The following SPEG variants were observed in gnomAD, a reference collection of about 807,000 sequenced individuals.
The protein encoded by SPEG is striated muscle enriched protein kinase.
A neutral mutation model predicts 300.4 loss-of-function variants in SPEG; 114 were observed. That is an observed-to-expected ratio of 0.38 (90% CI 0.33 to 0.44). The LOEUF (loss-of-function observed/expected upper bound fraction) is 0.44. Among genes scored for constraint, SPEG ranks in the 20% least tolerant of loss-of-function variants. The probability of loss-of-function intolerance (pLI) is 1.00; values close to 1 mark genes in which losing one functional copy is unlikely to be tolerated. For synonymous variants in SPEG, 1,964 were observed against 2,018.9 expected, an observed-to-expected ratio of 0.97 and a Z score of 0.73; for missense variants, 4,201 against 4,586.2, an observed-to-expected ratio of 0.92 and a Z score of 2.43.
chr2:219,478,775 C>A (rs765904929), intron 22 of SPEG, among the ~76,000 whole-genome samples: 8 of 152,174 alleles, frequency 5.3e-5, no homozygotes, highest in Non-Finnish European at 1.2e-4. Flanking sequence ...CAAATAGAGT[C>A]AAGAAGTTCC....
chr2:219,438,344 C>T (rs1260752878), intron 1 of SPEG, among the ~76,000 whole-genome samples: 1 of 152,128 alleles, frequency 6.6e-6, no homozygotes, highest in Non-Finnish European at 1.5e-5. Flanking sequence ...TACCTAAGTT[C>T]CCATGGCTAG....
At position 219,449,110 on chromosome 2, in the gene SPEG, C is replaced by T. The variant is rs1278710379; in HGVS notation, c.1952C>T (p.Ala651Val). 2.7e-6 allele frequency: 4 copies of T among 1,478,338 alleles called. No homozygotes were observed. In the Admixed American group the frequency reaches 7.5e-5, roughly 28 times the overall value. The allele number at this position is 1,478,338 out of a possible 1,614,324, so 91.6% of individuals were successfully genotyped here. Reference protein sequence around the residue: ...LPWATPGLEGAAVPQTLEKNR... With the variant: ...LPWATPGLEGVAVPQTLEKNR... ...TGGGCCACGCCGGGCCTGGAGGGCG[C>T]TGCTGTACCCCAGACCTTGGAGAAG... The change falls in exon 4 of 41, where the codon GCT becomes GTT. Residue 651 changes from alanine (A) to valine (V), a missense_variant. Ala to Val is a moderately conservative substitution (Grantham distance 64). This residue lies in a region of SPEG where 1,258 missense variants were observed against 1,293.9 expected (regional missense o/e 0.97). Coordinates refer to ENST00000312358, the MANE Select transcript of SPEG (RefSeq NM_005876.5).
In SPEG at chr2:219,435,063, T is replaced by G; in HGVS notation, c.86T>G (p.Val29Gly). The part of the protein sequence containing the change: ...SPGVPPKRAK[V>G]GAGGGAPVAV... ...GGAGTGCCCCCGAAAAGGGCCAAGG[T>G]GGGGGCCGGCGGCGGGGCTCCTGTG... Residue 29 changes from valine (V) to glycine (G), a missense_variant, in exon 1 of 41, where the codon GTG becomes GGG. Around this residue, in one of 4 missense-constraint regions of SPEG, gnomAD observed 1,258 missense variants for 1,293.9 expected, o/e 0.97. Coordinates refer to ENST00000312358, the MANE Select transcript of SPEG (RefSeq NM_005876.5). 1 of 1,475,082 alleles carries G rather than the reference T, an allele frequency of 6.8e-7. No homozygotes were observed. The highest frequency in any genetic ancestry group is 8.9e-7 in the Non-Finnish European group (1 of 1,122,618). 91.4% of individuals were successfully genotyped at this position (1,475,082 alleles called of 1,614,324 possible). A position where few individuals can be genotyped will look rare whatever the true frequency, so the allele number is the denominator to read the frequency against.
intron 13 of SPEG, among the ~76,000 whole-genome samples, chr2:219,470,923 A>C (rs1691817399): frequency 6.6e-6 from 1 of 152,202 alleles, no homozygotes; most frequent in East Asian, 1.9e-4. Context: ...AACTCTTGTA[A>C]TATATCATAG....
chr2:219,466,505 G>A, intron 9 of SPEG: 1 of 1,108,446 alleles, frequency 9.0e-7, no homozygotes, highest in Middle Eastern at 4.0e-4. Flanking sequence ...ATTACGGCAT[G>A]GCATGGAGGG....
chr2:219,442,218 AGGGCGGCGGGCCGGGCGCGATCTAG>A (rs1688975123), intron 1 of SPEG: 1 of 522,372 alleles, frequency 1.9e-6, no homozygotes, highest in Admixed American at 5.1e-5. Flanking sequence ...AGCCCCGCCG[AGGGCGGCGGGCCGGGCGCGATCTAG>A]GGGCGCCCGG....
In SPEG at chr2:219,484,354, CG is replaced by C; in HGVS notation, c.6896del (p.Gly2299ValfsTer5). 6.2e-7 allele frequency: 1 copy of C among 1,606,388 alleles called. No homozygotes were observed. ...CCCCCGAGAAGCGCGTGCCCTCAGC[CG>C]GGGGTCCCCCGGTGCTAGCCGAGAA... ...GAPEKRVPSAGGPPVLAEKAR... is the reference protein window; with the variant it reads ...GAPEKRVPSAXGPPVLAEKAR... On this transcript the variant is annotated frameshift_variant, in exon 30 of 41. Coordinates refer to ENST00000312358, the MANE Select transcript of SPEG (RefSeq NM_005876.5). LOFTEE classifies it high-confidence loss of function.
In SPEG at chr2:219,448,763, C is replaced by T; in HGVS notation, c.1605C>T (p.Leu535=). The T allele has an allele frequency of 1.4e-6, 2 of 1,453,364 alleles. No homozygotes were observed. The highest frequency in any genetic ancestry group is 1.8e-6 in the Non-Finnish European group (2 of 1,109,550). The allele number at this position is 1,453,364 out of a possible 1,614,324, so 90.0% of individuals were successfully genotyped here. A position where few individuals can be genotyped will look rare whatever the true frequency, so the allele number is the denominator to read the frequency against. ...CTCGAGAGCCCGGCGAGCCCCCGCT[C>T]TTCTCTCGGCCCTCCACCCCCAAGA... ...PSPREPGEPP[L]FSRPSTPKTS... is the part of the protein sequence containing the mutation. The change falls in exon 4 of 41, where the codon CTC becomes CTT. Residue 535 remains leucine, a synonymous_variant. Coordinates refer to ENST00000312358, the MANE Select transcript of SPEG (RefSeq NM_005876.5).
chr2:219,463,892 G>T (rs1483850415), intron 8 of SPEG, among the ~76,000 whole-genome samples: 1 of 152,110 alleles, frequency 6.6e-6, no homozygotes, highest in Non-Finnish European at 1.5e-5. Flanking sequence ...GAAGCCAAGA[G>T]AGGAGGATCA....
At position 219,485,354 on chromosome 2, in the gene SPEG, G is replaced by A. The variant is rs776247789; in HGVS notation, c.7618G>A (p.Glu2540Lys). The change falls in exon 31 of 41, where the codon GAA (glutamate) becomes AAA (lysine). Residue 2540 changes from glutamate (E) to lysine (K), a missense_variant. Physicochemically the swap from Glu to Lys is moderately conservative, Grantham distance 56. Coordinates refer to ENST00000312358, the MANE Select transcript of SPEG (RefSeq NM_005876.5). The stretch of plus-strand genomic sequence containing the variant: ...GGCCTGAGTCTTCACAGCCCCAGGG[G>A]AAAGCCGAAGCCGGCTCCGCTGGGG... Reference protein sequence around the residue: ...SATSGSSAPGESRSRLRWGFS... With the variant: ...SATSGSSAPGKSRSRLRWGFS... 6.2e-6 allele frequency: 10 copies of A among 1,606,054 alleles called. No homozygotes were observed. The highest frequency in any genetic ancestry group is 1.7e-5 in the Admixed American group (1 of 58,338).
At position 219,451,025 on chromosome 2, in the gene SPEG, C is replaced by A. The variant is rs553688066; in HGVS notation, c.2114-111C>A. On this transcript the variant is annotated intron_variant, in intron 4 of 40. Transcript: ENST00000312358. This position sits in a 1 kb window ranked among gnomAD's most constrained non-coding sequence, Gnocchi z 6.4. ...TCCCCAAGTCCCTGCTTTCTAGAAGCCCCTCTGTCTGGGTTTGGCTTTCTA... is the reference window on the plus strand; with the variant it reads ...TCCCCAAGTCCCTGCTTTCTAGAAGACCCTCTGTCTGGGTTTGGCTTTCTA... 4.5e-6 allele frequency: 5 copies of A among 1,104,538 alleles called. No individual in the cohort carries two copies. In the East Asian group the frequency reaches 1.4e-4, roughly 30 times the overall value. The allele number at this position is 1,104,538 out of a possible 1,614,324, so 68.4% of individuals were successfully genotyped here.
At chr2:219,478,175 G>A (rs930650840) in intron 22 of SPEG, 70 bp downstream of exon 22, 1 of 1,350,968 alleles carries the variant, frequency 7.4e-7, no homozygotes, top group African/African-American at 1.4e-5. Flanking sequence ...CATCCAATAG[G>A]CAACATGTTT....
chr2:219,465,941 G>C, intron 9 of SPEG: 3 of 838,764 alleles, frequency 3.6e-6, no homozygotes, highest in Non-Finnish European at 5.7e-6. Context: ...GTGCGTGCAC[G>C]TGTGCGTGCA....
intron 10 of SPEG, 23 bp downstream of exon 10, chr2:219,467,457 G>A (rs779532325): frequency 1.3e-6 from 2 of 1,581,128 alleles, no homozygotes; most frequent in Non-Finnish European, 1.7e-6. Flanking sequence ...TCAGGCATTG[G>A]GCTGCCGTGG....
At chr2:219,453,000 C>T (rs1689885617) in intron 6 of SPEG, among the ~76,000 whole-genome samples, 1 of 152,208 alleles carries the variant, frequency 6.6e-6, no homozygotes, top group Admixed American at 6.5e-5. Context: ...ATTTTCCAGG[C>T]TTTCTCCTCC....
Position 219,484,823 on chromosome 2 carries a change from C to T in SPEG, c.7360C>T (p.Arg2454Cys), listed in dbSNP as rs1008071927. ...GCGGGGCTCCCCGGTGCTGGCGATG[C>T]GCAGGCGGCTGAGCTTCACCCTGGA... Reference protein sequence around the residue: ...SARGSPVLAMRRRLSFTLERL... With the variant: ...SARGSPVLAMCRRLSFTLERL... The change falls in exon 30 of 41, where the codon CGC (arginine) becomes TGC (cysteine). Residue 2454 changes from arginine (R) to cysteine (C), a missense_variant. Physicochemically the swap from Arg to Cys is radical, Grantham distance 180. Transcript: ENST00000312358. The T allele has an allele frequency of 4.0e-6, 6 of 1,500,502 alleles. No homozygotes were observed. Among genetic ancestry groups the T allele is most frequent in the Admixed American group, 2.1e-5 (1 of 46,858 alleles). The allele number at this position is 1,500,502 out of a possible 1,614,324, so 92.9% of individuals were successfully genotyped here. A position where few individuals can be genotyped will look rare whatever the true frequency, so the allele number is the denominator to read the frequency against.
chr2:219,492,836 T>C lies in SPEG; in HGVS notation c.*50T>C, dbSNP rs371201825. 4.2e-5 allele frequency: 64 copies of C among 1,519,212 alleles called. No homozygotes were observed. In the African/African-American group the frequency reaches 7.4e-4, roughly 18 times the overall value. The allele number at this position is 1,519,212 out of a possible 1,614,324, so 94.1% of individuals were successfully genotyped here. A position where few individuals can be genotyped will look rare whatever the true frequency, so the allele number is the denominator to read the frequency against. On this transcript the variant is annotated 3_prime_UTR_variant, in exon 41 of 41. Transcript: ENST00000312358. Reference sequence around the variant, plus strand: ...GGGCTTCAACTGGGGTTCCCACCAATGCCACGGGACATTCCAGGGCCCACG... The same window carrying C: ...GGGCTTCAACTGGGGTTCCCACCAACGCCACGGGACATTCCAGGGCCCACG...
At position 219,468,618 on chromosome 2, in the gene SPEG, G is replaced by A. The variant is rs201812370; in HGVS notation, c.3183G>A (p.Ser1061=). 5.6e-6 allele frequency: 9 copies of A among 1,613,854 alleles called. No individual in the cohort carries two copies. Among genetic ancestry groups the A allele is most frequent in the Middle Eastern group, 1.7e-4 (1 of 5,984 alleles). ...TCSARLTVRP[S]LAPLFTRLLE... is the part of the protein sequence containing the mutation. ...GTGCCCGGCTGACCGTGCGGCCCTC[G>A]TTGGCACCCCTGTTCACACGGCTGC... Residue 1061 remains serine, a synonymous_variant, in exon 11 of 41, where the codon TCG becomes TCA. Transcript: ENST00000312358.
chr2:219,465,045 GGA>G (rs2125432027), intron 9 of SPEG: 1 of 163,418 alleles, frequency 6.1e-6, no homozygotes, highest in East Asian at 1.8e-4. Flanking sequence ...GTAGCGGTGG[GGA>G]GAGTCTGGTG....
Sources: gnomAD v4.1 joint callset for allele counts (sites outside exome capture counted in the v4.1 genomes callset) on GRCh38, gnomAD v4.1.1 for gene constraint, gnomAD v4.1.1 regional missense constraint, Gnocchi (gnomAD v3.1) non-coding constraint, MANE v1.5 for transcripts, NCBI Gene and HGNC (gene_info 2026-07-23, HGNC 2026-07-21) for gene names.